EYS: variants seen among roughly 807,000 people sequenced by gnomAD.
EYS encodes protein eyes shut homolog.
In EYS, 250 loss-of-function variants were observed where a neutral mutation model predicts 282.1. That is an observed-to-expected ratio of 0.89 (90% CI 0.80 to 0.98). EYS has a LOEUF of 0.98. EYS is among the 50% of genes least tolerant of loss of function. EYS has a pLI of 0.00. For missense variants in EYS, 4,016 were observed against 3,709.0 expected, an observed-to-expected ratio of 1.08 and a Z score of -2.15; for synonymous variants, 1,355 against 1,282.9, an observed-to-expected ratio of 1.06 and a Z score of -1.20.
intron 40 of EYS, among the ~76,000 whole-genome samples, chr6:63,772,163 A>G (rs548385699): frequency 2.0e-3 from 303 of 148,378 alleles, no homozygotes; most frequent in Non-Finnish European, 3.1e-3. Context: ...AAAAAAAAAG[A>G]AAGATTTTTT....
At position 63,721,004 on chromosome 6, in the gene EYS, C is replaced by T. The variant is rs1389254385; in HGVS notation, c.9027G>A (p.Leu3009=). 1 of 1,551,286 alleles carries T rather than the reference C, an allele frequency of 6.4e-7. No individual in the cohort carries two copies. Residue 3009 remains leucine (L), a synonymous_variant, in exon 43 of 43, where the codon CTG becomes CTA. Transcript: ENST00000503581. ...AGGTCTGATTATGGAGACCAATTGC[C>T]AGAAAATCATTTTCTTCATTTTGAG... is the stretch of plus-strand genomic sequence containing the variant. ...GIAQNEENDF[L]AIGLHNQTLK...
intron 12 of EYS, among the ~76,000 whole-genome samples, chr6:65,246,725 T>G (rs1767189612): frequency 6.6e-6 from 1 of 152,152 alleles, no homozygotes; most frequent in Non-Finnish European, 1.5e-5. Flanking sequence ...CACACATGTA[T>G]GCGTGCTCGC....
intron 1 of EYS, among the ~76,000 whole-genome samples, chr6:65,683,181 G>T (rs1269912557): frequency 6.6e-6 from 1 of 151,890 alleles, no homozygotes. Flanking sequence ...GATAAAAATT[G>T]CCAAATTGTT....
intron 2 of EYS, among the ~76,000 whole-genome samples, chr6:65,569,050 A>G (rs1171044466): frequency 6.6e-6 from 1 of 152,162 alleles, no homozygotes; most frequent in East Asian, 1.9e-4. Context: ...AAACCATCAT[A>G]TCCCCAGTGA....
At chr6:63,792,592 A>T (rs183705970) in intron 37 of EYS, among the ~76,000 whole-genome samples, 20 of 150,626 alleles carry the variant, frequency 1.3e-4, no homozygotes, top group African/African-American at 4.8e-4. Flanking sequence ...GTATAATAAA[A>T]ATATATATAT....
At chr6:64,796,105 G>T (rs114812495) in intron 22 of EYS, among the ~76,000 whole-genome samples, 380 of 152,334 alleles carry the variant, frequency 2.5e-3, no homozygotes, top group Non-Finnish European at 4.0e-3. Context: ...ACATCTGGAT[G>T]TTATTGAGGC....
At chr6:65,379,183 A>G (rs1409768075) in intron 8 of EYS, among the ~76,000 whole-genome samples, 2 of 152,144 alleles carry the variant, frequency 1.3e-5, no homozygotes, top group Non-Finnish European at 2.9e-5. Context: ...TTTCAGGCCA[A>G]TATCACTGAT....
chr6:64,969,155 C>A (rs1003698408), intron 14 of EYS, among the ~76,000 whole-genome samples: 1 of 151,882 alleles, frequency 6.6e-6, no homozygotes, highest in African/African-American at 2.4e-5. Context: ...GAGTTGGAGA[C>A]CGGCATGGCC....
chr6:63,773,018 C>CCTATGGAGT (rs1769975104), intron 40 of EYS, among the ~76,000 whole-genome samples: 1 of 152,020 alleles, frequency 6.6e-6, no homozygotes, highest in Admixed American at 6.6e-5. Flanking sequence ...GAGGATCACT[C>CCTATGGAGT]CATAGCAACA....
chr6:64,452,020 A>T (rs961555007), intron 26 of EYS, among the ~76,000 whole-genome samples: 7 of 152,204 alleles, frequency 4.6e-5, no homozygotes, highest in African/African-American at 1.7e-4. Flanking sequence ...GCAATCAGGC[A>T]GGAGAAGGAA....
chr6:64,421,651 T>C (rs1321799566), intron 28 of EYS, among the ~76,000 whole-genome samples: 2 of 152,142 alleles, frequency 1.3e-5, no homozygotes, highest in Non-Finnish European at 2.9e-5. Context: ...ACACAATCAG[T>C]ATGCTAGTTA....
intron 15 of EYS, among the ~76,000 whole-genome samples, chr6:64,941,077 G>A (rs1043838520): frequency 4.0e-5 from 6 of 151,882 alleles, no homozygotes; most frequent in African/African-American, 1.5e-4. Context: ...AACAAATCTA[G>A]GATTAAAAAT....
At chr6:64,106,108 G>A (rs1773000267) in intron 31 of EYS, among the ~76,000 whole-genome samples, 1 of 151,972 alleles carries the variant, frequency 6.6e-6, no homozygotes, top group Non-Finnish European at 1.5e-5. Context: ...TCTATTTGTT[G>A]CCTTTGTCCT....
rs1180060216 is a variant in EYS, at chr6:64,591,200, CAT to C, written c.4665_4666del (p.Ala1557AsnfsTer6). On this transcript the variant is annotated frameshift_variant, in exon 26 of 43. Coordinates refer to ENST00000503581, the MANE Select transcript of EYS (RefSeq NM_001142800.2). LOFTEE classifies it high-confidence loss of function. Reference sequence around the variant, plus strand: ...TATTTCAGTCATAGAACATGTTGCACATGTTTGGCTTAATTCTCTTAAAGAAT... The same window carrying C: ...TATTTCAGTCATAGAACATGTTGCACGTTTGGCTTAATTCTCTTAAAGAAT... 2 of 1,551,298 alleles carry C rather than the reference CAT, an allele frequency of 1.3e-6. No homozygotes were observed. The highest frequency in any genetic ancestry group is 2.7e-5 in the African/African-American group (2 of 73,116).
At chr6:64,585,129 T>C (rs765378579) in intron 26 of EYS, among the ~76,000 whole-genome samples, 1 of 152,116 alleles carries the variant, frequency 6.6e-6, no homozygotes, top group Non-Finnish European at 1.5e-5. Context: ...CATTGAATAC[T>C]ACACAGCCAT....
chr6:64,917,580 C>CA (rs2069641824), intron 15 of EYS, among the ~76,000 whole-genome samples: 1 of 152,040 alleles, frequency 6.6e-6, no homozygotes. Flanking sequence ...ATGTTGGTCA[C>CA]AGGATACAGT....
intron 32 of EYS, among the ~76,000 whole-genome samples, chr6:64,079,957 C>A (rs754233051): frequency 1.9e-4 from 29 of 152,146 alleles, no homozygotes; most frequent in Non-Finnish European, 3.4e-4. Context: ...TTTTCTTAAT[C>A]CAGTCTATCA....
At chr6:64,633,193 C>A (rs923006337) in intron 22 of EYS, among the ~76,000 whole-genome samples, 2 of 152,040 alleles carry the variant, frequency 1.3e-5, no homozygotes, top group Non-Finnish European at 2.9e-5. Context: ...TTTCCTGAAA[C>A]CACTTTAAAA....
intron 2 of EYS, among the ~76,000 whole-genome samples, chr6:65,614,921 C>T (rs1293726785): frequency 3.3e-5 from 5 of 151,990 alleles, no homozygotes; most frequent in Non-Finnish European, 7.4e-5. Context: ...TTTGTGTGTG[C>T]ATGTATACAC....
Sources: gnomAD v4.1 joint callset for allele counts (sites outside exome capture counted in the v4.1 genomes callset) on GRCh38, gnomAD v4.1.1 for gene constraint, MANE v1.5 for transcripts, NCBI Gene and HGNC (gene_info 2026-07-23, HGNC 2026-07-21) for gene names.